CDH1: variants seen among roughly 807,000 people sequenced by gnomAD.
CDH1 encodes the protein cadherin 1, also known as cadherin-1.
Under a neutral mutation model 84.5 loss-of-function variants are expected in CDH1, and 35 were observed. The observed-to-expected ratio is 0.41, with a 90% CI of 0.32 to 0.55. The LOEUF (loss-of-function observed/expected upper bound fraction) is 0.55, where lower values mean the gene tolerates loss of function less well. Among genes scored for constraint, CDH1 ranks in the 20% least tolerant of loss-of-function variants. CDH1 has a pLI of 0.19. For missense variants in CDH1, 994 were observed against 1,126.6 expected (o/e 0.88, Z 1.68); for synonymous variants, 417 against 439.0 (o/e 0.95, Z 0.63).
rs540868303 is a variant in CDH1 at position 68,739,368 on chromosome 16, G to A, written c.163+957G>A. 1.1e-3 allele frequency among the ~76,000 whole-genome samples: 166 copies of A among 152,206 alleles called. 1 individual carries two copies. Among genetic ancestry groups the A allele is most frequent in the African/African-American group, 3.7e-3 (155 of 41,532 alleles). Reference sequence around the variant, plus strand: ...GGAGGCAGAGGTTGCAGTGAGCTGAGATAGTGCCACCGCACTCCAACCTGG... The same window carrying A: ...GGAGGCAGAGGTTGCAGTGAGCTGAAATAGTGCCACCGCACTCCAACCTGG... On this transcript the variant is annotated intron_variant, in intron 2 of 15. Coordinates refer to ENST00000261769, the MANE Select transcript of CDH1 (RefSeq NM_004360.5).
intron 2 of CDH1, among the ~76,000 whole-genome samples, chr16:68,781,254 A>T (rs1243821844): frequency 6.6e-6 from 1 of 152,168 alleles, no homozygotes; most frequent in East Asian, 1.9e-4. Flanking sequence ...ACAATTAGGC[A>T]TTGTGGCCTC....
At chr16:68,763,058 G>A (rs1251542923) in intron 2 of CDH1, among the ~76,000 whole-genome samples, 2 of 151,586 alleles carry the variant, frequency 1.3e-5, no homozygotes, top group Non-Finnish European at 2.9e-5. Flanking sequence ...GCTTCCTGAA[G>A]ATAAATCAAT....
chr16:68,766,451 TC>T (rs1959389475), intron 2 of CDH1, among the ~76,000 whole-genome samples: 1 of 152,128 alleles, frequency 6.6e-6, no homozygotes, highest in Non-Finnish European at 1.5e-5. Flanking sequence ...TAGCAGGATT[TC>T]TTTCAAGGGC....
intron 13 of CDH1, among the ~76,000 whole-genome samples, chr16:68,823,932 C>G (rs2152139848): frequency 6.7e-6 from 1 of 149,060 alleles, no homozygotes; most frequent in Admixed American, 6.7e-5. Flanking sequence ...ATCTGGGCCT[C>G]TTTTTGAACT....
chr16:68,791,062 T>C (rs16958356), intron 2 of CDH1, among the ~76,000 whole-genome samples: 9,189 of 152,242 alleles, frequency 0.06, 560 homozygotes, highest in African/African-American at 0.15. Context: ...GCTAAAATCA[T>C]GTTAATTCCA....
At chr16:68,768,134 C>T (rs1029665666) in intron 2 of CDH1, among the ~76,000 whole-genome samples, 1 of 152,094 alleles carries the variant, frequency 6.6e-6, no homozygotes, top group Admixed American at 6.6e-5. Context: ...TTAGTAGAGA[C>T]AAGGTTTCTC....
At chr16:68,768,080 G>A (rs1232001651) in intron 2 of CDH1, among the ~76,000 whole-genome samples, 1 of 151,938 alleles carries the variant, frequency 6.6e-6, no homozygotes, top group African/African-American at 2.4e-5. Flanking sequence ...CCAAGTAGCT[G>A]GGATTACAGG....
intron 12 of CDH1, chr16:68,822,918 T>G (rs1448789114): frequency 4.5e-6 from 1 of 221,430 alleles, no homozygotes; most frequent in African/African-American, 2.4e-5. Flanking sequence ...TGGACCCTTT[T>G]GGATCTTCAT....
At chr16:68,822,731 C>T (rs1286073266) in intron 12 of CDH1, 2 of 274,048 alleles carry the variant, frequency 7.3e-6, no homozygotes, top group Non-Finnish European at 7.1e-6. Context: ...AGGTGTGCAC[C>T]ACTTCTTCCA....
intron 9 of CDH1, chr16:68,814,659 C>T (rs1375702938): frequency 6.6e-6 from 1 of 152,190 alleles, no homozygotes; most frequent in Non-Finnish European, 1.5e-5. Context: ...TCAGCTCTTT[C>T]CATTTTGCGG....
intron 2 of CDH1, among the ~76,000 whole-genome samples, chr16:68,755,616 A>G (rs556635522): frequency 7.9e-5 from 12 of 152,092 alleles, no homozygotes; most frequent in African/African-American, 2.4e-4. Context: ...TTATTTATTT[A>G]TCTTTCTCTT....
At chr16:68,745,549 A>ATAT (rs1285099283) in intron 2 of CDH1, among the ~76,000 whole-genome samples, 88 of 75,162 alleles carry the variant, frequency 1.2e-3, no homozygotes, top group African/African-American at 2.7e-3. Flanking sequence ...AAAAAAAAAA[A>ATAT]ATATATATAT....
At position 68,782,577 on chromosome 16, in the gene CDH1, G is replaced by C. The variant is rs181235077; in HGVS notation, c.164-19093G>C. Among the ~76,000 whole-genome samples the C allele has an allele frequency of 1.2e-4, 18 of 152,322 alleles. No homozygotes were observed. In the East Asian group the frequency reaches 3.3e-3, roughly 28 times the overall value. ...TAGACTCCAGGCCTAAGCGCTGACC[G>C]TTAGTGCTCTATGAGGCAGCACCTG... On this transcript the variant is annotated intron_variant, in intron 2 of 15. Coordinates refer to ENST00000261769, the MANE Select transcript of CDH1 (RefSeq NM_004360.5).
intron 2 of CDH1, among the ~76,000 whole-genome samples, chr16:68,766,553 CAATATAG>C (rs2152120077): frequency 6.6e-6 from 1 of 152,176 alleles, no homozygotes; most frequent in South Asian, 2.1e-4. Flanking sequence ...ATGAGATGAA[CAATATAG>C]AATGTCATGT....
intron 2 of CDH1, among the ~76,000 whole-genome samples, chr16:68,753,787 T>C (rs1313351126): frequency 6.6e-6 from 1 of 152,086 alleles, no homozygotes; most frequent in Non-Finnish European, 1.5e-5. Context: ...TTAGCATAAG[T>C]ATGTCCCATG....
intron 2 of CDH1, among the ~76,000 whole-genome samples, chr16:68,793,380 GC>G (rs1193718738): frequency 6.6e-6 from 1 of 152,096 alleles, no homozygotes; most frequent in East Asian, 1.9e-4. Flanking sequence ...TGATGCTTTT[GC>G]CGTTATTCTC....
chr16:68,764,350 G>A (rs1279602675), intron 2 of CDH1, among the ~76,000 whole-genome samples: 3 of 152,238 alleles, frequency 2.0e-5, no homozygotes, highest in South Asian at 2.1e-4. Flanking sequence ...GCCAAGGCGG[G>A]TGGATCACCT....
At chr16:68,809,048 A>G in intron 5 of CDH1, 200 bp downstream of exon 5, 1 of 604,490 alleles carries the variant, frequency 1.7e-6, no homozygotes. Context: ...TGTCAGGAAG[A>G]AAGGAAGGAG....
chr16:68,804,715 C>A lies in CDH1; in HGVS notation c.387+2822C>A, dbSNP rs575188212. The stretch of plus-strand genomic sequence containing the variant: ...GTTTGTCTCTATAGTTCAAAGGATC[C>A]TTCTGGAACCAGGTGGTACTGTAAT... On this transcript the variant is annotated intron_variant, in intron 3 of 15. Transcript: ENST00000261769. Among the ~76,000 whole-genome samples the A allele has an allele frequency of 8.4e-4, 128 of 151,912 alleles. 1 individual carries two copies. Among genetic ancestry groups the A allele is most frequent in the African/African-American group, 3.1e-3 (127 of 41,392 alleles).
Sources: gnomAD v4.1 joint callset for allele counts (sites outside exome capture counted in the v4.1 genomes callset) on GRCh38, gnomAD v4.1.1 for gene constraint, MANE v1.5 for transcripts, NCBI Gene and HGNC (gene_info 2026-07-23, HGNC 2026-07-21) for gene names.